Variants in MATN2 observed in about 807,000 individuals in gnomAD.
The protein encoded by MATN2 is matrilin 2, also known as matrilin-2.
MATN2 carries 69 observed loss-of-function variants against 103.2 expected under a neutral mutation model. The ratio of observed to expected loss-of-function variants is 0.67; its 90% CI spans 0.55 to 0.82. The LOEUF (loss-of-function observed/expected upper bound fraction) is 0.82, where lower values mean the gene tolerates loss of function less well. Among genes scored for constraint, MATN2 ranks in the 40% least tolerant of loss-of-function variants. The pLI is 0.00. For missense variants in MATN2, 1,023 were observed against 1,211.5 expected (o/e 0.84, Z 2.31); for synonymous variants, 429 against 450.2 (o/e 0.95, Z 0.60).
At chr8:97,927,154 T>TGTTTTC (rs1266200856) in intron 2 of MATN2, among the ~76,000 whole-genome samples, 5 of 151,750 alleles carry the variant, frequency 3.3e-5, no homozygotes, top group African/African-American at 9.7e-5. Context: ...TTTTTGTTTT[T>TGTTTTC]GTTTTTGAGA....
chr8:97,989,012 T>C (rs1812296121), intron 6 of MATN2, among the ~76,000 whole-genome samples: 1 of 152,210 alleles, frequency 6.6e-6, no homozygotes. Flanking sequence ...TGGGATTTAT[T>C]CCAGGAATTC....
chr8:97,926,026 G>T (rs1377933192), intron 2 of MATN2, among the ~76,000 whole-genome samples: 1 of 152,218 alleles, frequency 6.6e-6, no homozygotes, highest in African/African-American at 2.4e-5. Flanking sequence ...CATTCTGCTG[G>T]AGTAGGAATG....
rs534083590 is a variant in MATN2, at chr8:97,874,263, G to T, written c.-27+4976G>T. ...ATCCAGGTGTCAGCAGGGAGAATTTGTTCCCCTGCCTTTTCCAACTTCCAG... is the reference window on the plus strand; with the variant it reads ...ATCCAGGTGTCAGCAGGGAGAATTTTTTCCCCTGCCTTTTCCAACTTCCAG... On this transcript the variant is annotated intron_variant, in intron 1 of 18. Transcript: ENST00000254898. Among the ~76,000 whole-genome samples the T allele has an allele frequency of 7.2e-5, 11 of 152,294 alleles. No individual in the cohort carries two copies. In the South Asian group the frequency reaches 1.9e-3, roughly 26 times the overall value.
At chr8:97,882,365 GT>G (rs1413800586) in intron 1 of MATN2, among the ~76,000 whole-genome samples, 33 of 151,676 alleles carry the variant, frequency 2.2e-4, no homozygotes, top group Non-Finnish European at 7.4e-5. Context: ...TTTCATGTTA[GT>G]TTTCAAGTCA....
chr8:97,953,283 A>C (rs760042096), intron 4 of MATN2, among the ~76,000 whole-genome samples: 1 of 151,752 alleles, frequency 6.6e-6, no homozygotes. Context: ...TTGAAGTTCA[A>C]CTCTCTGCCA....
chr8:97,975,430 G>A (rs1331256888), intron 5 of MATN2, among the ~76,000 whole-genome samples: 1 of 152,126 alleles, frequency 6.6e-6, no homozygotes, highest in African/African-American at 2.4e-5. Flanking sequence ...TCTAAATTAC[G>A]GGGCCAGCAT....
At chr8:97,909,401 C>T (rs544662312) in intron 2 of MATN2, among the ~76,000 whole-genome samples, 30 of 152,330 alleles carry the variant, frequency 2.0e-4, no homozygotes, top group Admixed American at 6.5e-4. Flanking sequence ...ATTTAGCATA[C>T]CATGGGGCCA....
At chr8:97,957,750 C>T (rs945629815) in intron 4 of MATN2, among the ~76,000 whole-genome samples, 1 of 152,186 alleles carries the variant, frequency 6.6e-6, no homozygotes, top group Admixed American at 6.5e-5. Context: ...GCACCTTCCC[C>T]AGGGAGGATT....
chr8:97,870,378 C>A (rs1463172473), intron 1 of MATN2, among the ~76,000 whole-genome samples: 1 of 152,106 alleles, frequency 6.6e-6, no homozygotes, highest in East Asian at 1.9e-4. Flanking sequence ...ATTAGCCGGA[C>A]TTGGTGGCGC....
rs4610714 is a variant in MATN2, at chr8:97,892,607, C to T, written c.142+4365C>T. On this transcript the variant is annotated intron_variant, in intron 2 of 18. Coordinates refer to ENST00000254898, the MANE Select transcript of MATN2 (RefSeq NM_002380.5). ...GAAAAGGGAAGAGCATTTAAATAGCCTTTTCATATAATTGTGAATGTTCTT... is the reference window on the plus strand; with the variant it reads ...GAAAAGGGAAGAGCATTTAAATAGCTTTTTCATATAATTGTGAATGTTCTT... Among the ~76,000 whole-genome samples the T allele has an allele frequency of 9.6e-3, 1,462 of 152,168 alleles. 23 individuals are homozygous for T. Among genetic ancestry groups the T allele is most frequent in the African/African-American group, 0.033 (1,389 of 41,510 alleles).
intron 4 of MATN2, among the ~76,000 whole-genome samples, chr8:97,953,555 G>A (rs570334028): frequency 9.2e-5 from 14 of 152,318 alleles, no homozygotes; most frequent in Middle Eastern, 3.4e-3. Flanking sequence ...GGGAGGCCAA[G>A]GCGGGCAGAT....
Position 97,994,539 on chromosome 8 carries a change from G to T in MATN2, c.1141G>T (p.Asp381Tyr). Residue 381 changes from aspartate to tyrosine, a missense_variant, in exon 7 of 19, where the codon GAT becomes TAT. Physicochemically the swap from Asp to Tyr is radical, Grantham distance 160. Transcript: ENST00000254898. ...GCQHECVNTD[D>Y]SYSCHCLKGF... ...TCAGCACGAGTGTGTTAACACAGATGATTCCTATTCCTGCCACTGCCTGAA... is the reference window on the plus strand; with the variant it reads ...TCAGCACGAGTGTGTTAACACAGATTATTCCTATTCCTGCCACTGCCTGAA... The T allele has an allele frequency of 1.2e-6, 2 of 1,613,660 alleles. No homozygotes were observed. Among genetic ancestry groups the T allele is most frequent in the East Asian group, 4.5e-5 (2 of 44,866 alleles).
chr8:97,903,465 T>C (rs978089951), intron 2 of MATN2, among the ~76,000 whole-genome samples: 1 of 152,232 alleles, frequency 6.6e-6, no homozygotes, highest in African/African-American at 2.4e-5. Context: ...GTTTTTTGTT[T>C]TGTTTTTGTC....
intron 4 of MATN2, among the ~76,000 whole-genome samples, chr8:97,948,988 G>T (rs974652957): frequency 6.6e-5 from 10 of 152,086 alleles, no homozygotes; most frequent in Non-Finnish European, 1.2e-4. Flanking sequence ...AGAATATAAG[G>T]AATTCTTAGC....
rs190515181 is a variant in MATN2, at chr8:97,894,077, A to T, written c.142+5835A>T. Among the ~76,000 whole-genome samples, 23 of 152,356 alleles carry T rather than the reference A, an allele frequency of 1.5e-4. No individual in the cohort carries two copies. In the East Asian group the frequency reaches 4.4e-3, roughly 29 times the overall value. On this transcript the variant is annotated intron_variant, in intron 2 of 18. Transcript: ENST00000254898. The stretch of plus-strand genomic sequence containing the variant: ...TCAGAAGTTATGTTTGTGTTTTAAG[A>T]GAGCATTTTGTGGCAATATGGCATC...
intron 2 of MATN2, among the ~76,000 whole-genome samples, chr8:97,918,395 A>C (rs1325282660): frequency 6.6e-6 from 1 of 152,212 alleles, no homozygotes; most frequent in East Asian, 1.9e-4. Flanking sequence ...GCATCGATGA[A>C]AGATGAATAA....
chr8:98,002,504 C>A (rs1472231889), intron 7 of MATN2, among the ~76,000 whole-genome samples: 1 of 152,220 alleles, frequency 6.6e-6, no homozygotes, highest in Non-Finnish European at 1.5e-5. Context: ...TCTCTACATG[C>A]TTTGAGCCCA....
intron 2 of MATN2, among the ~76,000 whole-genome samples, chr8:97,891,593 C>T (rs1818632784): frequency 6.6e-6 from 1 of 152,130 alleles, no homozygotes; most frequent in African/African-American, 2.4e-5. Flanking sequence ...CCCCCTCAGT[C>T]TCCCAAAGTG....
chr8:98,009,734 G>T (rs113720139), intron 10 of MATN2, among the ~76,000 whole-genome samples: 22 of 152,316 alleles, frequency 1.4e-4, no homozygotes, highest in African/African-American at 5.1e-4. Flanking sequence ...TCAGGGTGTG[G>T]GGGGTCGGGG....
Sources: allele counts gnomAD v4.1 joint callset (sites outside exome capture counted in the v4.1 genomes callset), GRCh38; gene constraint gnomAD v4.1.1; transcripts MANE v1.5; gene names NCBI Gene and HGNC (gene_info 2026-07-23, HGNC 2026-07-21).